Variants in SMIM14 observed in about 807,000 individuals in gnomAD.
The protein encoded by SMIM14 is chromosome 4 open reading frame 34.
A neutral mutation model predicts 12.6 loss-of-function variants in SMIM14; 5 were observed. The observed-to-expected ratio is 0.40, with a 90% CI of 0.21 to 0.83. The LOEUF is 0.83. Ranked by LOEUF, SMIM14 falls within the 40% of genes least tolerant of loss-of-function variation. SMIM14 has a pLI of 0.37. For missense variants in SMIM14, 86 were observed against 119.1 expected (o/e 0.72, Z 1.29); for synonymous variants, 30 against 40.1 (o/e 0.75, Z 0.95).
chr4:39,606,159 A>G (rs1377839694), intron 1 of SMIM14, among the ~76,000 whole-genome samples: 2 of 151,550 alleles, frequency 1.3e-5, no homozygotes, highest in Non-Finnish European at 2.9e-5. Flanking sequence ...CAGCCTGGGC[A>G]ACCTAGTGAG....
In SMIM14 at chr4:39,617,903, T is replaced by C. The variant is rs181970295; in HGVS notation, c.-35-12723A>G. 2.3e-3 allele frequency among the ~76,000 whole-genome samples: 350 copies of C among 152,298 alleles called. 3 individuals are homozygous for C. The South Asian group carries it at 0.025, about 11-fold the overall frequency. On this transcript the variant is annotated intron_variant, in intron 1 of 4. Coordinates refer to ENST00000295958, the MANE Select transcript of SMIM14 (RefSeq NM_174921.3). Reference sequence around the variant, plus strand: ...CAAATGGAAATTCATTTTAAAAACATATAAGACGGAAAAAAATCAGGAAAA... The same window carrying C: ...CAAATGGAAATTCATTTTAAAAACACATAAGACGGAAAAAAATCAGGAAAA...
chr4:39,573,345 G>C (rs1474882757), intron 2 of SMIM14, among the ~76,000 whole-genome samples: 6 of 151,990 alleles, frequency 3.9e-5, no homozygotes, highest in Non-Finnish European at 8.8e-5. Flanking sequence ...TGATCCACTT[G>C]CCTCGGCCTC....
chr4:39,580,425 C>T (rs570268249), intron 2 of SMIM14, among the ~76,000 whole-genome samples: 1 of 152,268 alleles, frequency 6.6e-6, no homozygotes, highest in African/African-American at 2.4e-5. Context: ...AGGAATCCTC[C>T]CACCTTGGCC....
chr4:39,631,430 G>A (rs370447625), intron 1 of SMIM14, among the ~76,000 whole-genome samples: 2 of 151,898 alleles, frequency 1.3e-5, no homozygotes, highest in Non-Finnish European at 2.9e-5. Flanking sequence ...AGGCCAAGGC[G>A]GGCGGATCAC....
At chr4:39,614,477 C>T (rs1270569215) in intron 1 of SMIM14, among the ~76,000 whole-genome samples, 3 of 151,908 alleles carry the variant, frequency 2.0e-5, no homozygotes, top group Non-Finnish European at 4.4e-5. Context: ...TGTGCCACCA[C>T]GCCCGGCTAA....
intron 1 of SMIM14, among the ~76,000 whole-genome samples, chr4:39,622,634 C>T (rs890963284): frequency 6.6e-6 from 1 of 152,178 alleles, no homozygotes; most frequent in South Asian, 2.1e-4. Flanking sequence ...CTCCTGACCT[C>T]AAGTGATCCG....
intron 2 of SMIM14, among the ~76,000 whole-genome samples, chr4:39,579,565 C>T (rs1467342026): frequency 6.6e-6 from 1 of 150,502 alleles, no homozygotes; most frequent in African/African-American, 2.4e-5. Flanking sequence ...CTTGGCAGGC[C>T]GGGAACAGGG....
rs148296618 is a variant in SMIM14, at chr4:39,586,879, A to G, written c.76-14416T>C. Among the ~76,000 whole-genome samples, 698 of 152,142 alleles carry G rather than the reference A, an allele frequency of 4.6e-3. 11 individuals are homozygous for G. Among genetic ancestry groups the G allele is most frequent in the African/African-American group, 0.016 (663 of 41,448 alleles). Reference sequence around the variant, plus strand: ...AAATCCAAGATCAAAGTTCTAGCTGATTTGGTTCCCAGTGTGGGTCCTCTT... The same window carrying G: ...AAATCCAAGATCAAAGTTCTAGCTGGTTTGGTTCCCAGTGTGGGTCCTCTT... On this transcript the variant is annotated intron_variant, in intron 2 of 4. Transcript: ENST00000295958.
At position 39,551,481 on chromosome 4, in the gene SMIM14, A is replaced by G. The variant is rs1322942161; in HGVS notation, c.*645T>C. ...AACATTAGAGATTTTTAATGGGAGT[A>G]TAAAATTAGTAAACAACCATTTCAT... On this transcript the variant is annotated 3_prime_UTR_variant, in exon 5 of 5. Transcript: ENST00000295958. 1.3e-5 allele frequency: 2 copies of G among 152,622 alleles called. No homozygotes were observed. Among genetic ancestry groups the G allele is most frequent in the East Asian group, 1.9e-4 (1 of 5,202 alleles). The allele number at this position is 152,622 out of a possible 1,614,324, so 9.5% of individuals were successfully genotyped here.
At chr4:39,571,341 G>A (rs1176910652) in intron 3 of SMIM14, among the ~76,000 whole-genome samples, 3 of 151,996 alleles carry the variant, frequency 2.0e-5, no homozygotes, top group African/African-American at 4.8e-5. Flanking sequence ...ACTTTGAGAG[G>A]CCGAGGCAGA....
intron 3 of SMIM14, among the ~76,000 whole-genome samples, chr4:39,566,207 G>A (rs889078980): frequency 6.6e-6 from 1 of 151,634 alleles, no homozygotes; most frequent in Non-Finnish European, 1.5e-5. Flanking sequence ...GATAGTGCTT[G>A]CTGATAGATG....
chr4:39,556,334 T>C (rs1712012640), intron 4 of SMIM14, 94 bp downstream of exon 4: 1 of 1,152,904 alleles, frequency 8.7e-7, no homozygotes. Flanking sequence ...ATAATTTAAC[T>C]AATTTAGGTG....
At chr4:39,596,098 T>C (rs1331824711) in intron 2 of SMIM14, among the ~76,000 whole-genome samples, 1 of 152,090 alleles carries the variant, frequency 6.6e-6, no homozygotes, top group Non-Finnish European at 1.5e-5. Context: ...AGTGCCTTTT[T>C]TTCTTTCTTT....
intron 1 of SMIM14, among the ~76,000 whole-genome samples, chr4:39,614,818 G>A (rs138663032): frequency 3.3e-4 from 51 of 152,242 alleles, no homozygotes; most frequent in African/African-American, 1.2e-3. Flanking sequence ...TCTTAGCACA[G>A]AAAAGCAGTG....
At chr4:39,556,833 G>A (rs1295798433) in intron 3 of SMIM14, among the ~76,000 whole-genome samples, 1 of 152,092 alleles carries the variant, frequency 6.6e-6, no homozygotes, top group African/African-American at 2.4e-5. Context: ...TATCAAACAG[G>A]CTGGAGTGCG....
At chr4:39,590,374 T>G (rs148931944) in intron 2 of SMIM14, among the ~76,000 whole-genome samples, 1 of 149,976 alleles carries the variant, frequency 6.7e-6, no homozygotes, top group African/African-American at 2.5e-5. Context: ...GAATGCGCCA[T>G]TGCACTCCAG....
chr4:39,631,464 C>A (rs1242237040), intron 1 of SMIM14, among the ~76,000 whole-genome samples: 1 of 151,786 alleles, frequency 6.6e-6, no homozygotes, highest in Admixed American at 6.6e-5. Flanking sequence ...CGAGACCATC[C>A]TGGCTAACAT....
chr4:39,624,418 C>G (rs1715613055), intron 1 of SMIM14, among the ~76,000 whole-genome samples: 1 of 152,178 alleles, frequency 6.6e-6, no homozygotes, highest in South Asian at 2.1e-4. Context: ...AAATCCTGAG[C>G]AGGACTCATT....
intron 2 of SMIM14, among the ~76,000 whole-genome samples, chr4:39,578,045 T>C (rs1376520300): frequency 6.6e-6 from 1 of 151,918 alleles, no homozygotes; most frequent in Admixed American, 6.6e-5. Flanking sequence ...GTATATTCAA[T>C]GTGTTGAATT....
Sources: gnomAD v4.1 joint callset for allele counts (sites outside exome capture counted in the v4.1 genomes callset) on GRCh38, gnomAD v4.1.1 for gene constraint, MANE v1.5 for transcripts, NCBI Gene and HGNC (gene_info 2026-07-23, HGNC 2026-07-21) for gene names.